The following CNTN4 variants were observed in gnomAD, a reference collection of about 807,000 sequenced individuals.
CNTN4 encodes contactin-4.
Under a neutral mutation model 122.5 loss-of-function variants are expected in CNTN4, and 77 were observed. That is an observed-to-expected ratio of 0.63 (90% CI 0.52 to 0.76). The LOEUF is 0.76. Among genes scored for constraint, CNTN4 ranks in the 30% least tolerant of loss-of-function variants. CNTN4 has a pLI of 0.00. For missense variants in CNTN4, 1,256 were observed against 1,259.1 expected (o/e 1.00, Z 0.04); for synonymous variants, 512 against 447.0 (o/e 1.15, Z -1.83).
intron 7 of CNTN4, among the ~76,000 whole-genome samples, chr3:2,836,397 G>T (rs1441152904): frequency 6.6e-6 from 1 of 152,150 alleles, no homozygotes; most frequent in African/African-American, 2.4e-5. Context: ...ACAGCAAAAA[G>T]GGAATGCCTC....
chr3:2,224,083 T>G (rs1386906409), intron 2 of CNTN4, among the ~76,000 whole-genome samples: 1 of 152,202 alleles, frequency 6.6e-6, no homozygotes, highest in Non-Finnish European at 1.5e-5. Flanking sequence ...TAGATATTTT[T>G]TACTAACGTA....
chr3:3,026,304 CA>C (rs765828593), intron 15 of CNTN4, 27 bp downstream of exon 15: 76 of 1,596,194 alleles, frequency 4.8e-5, no homozygotes, highest in Non-Finnish European at 6.2e-5. Flanking sequence ...AAAACTGACT[CA>C]AACTAACTTG....
chr3:2,109,190 A>G (rs370763480), intron 2 of CNTN4, among the ~76,000 whole-genome samples: 1 of 152,194 alleles, frequency 6.6e-6, no homozygotes. Context: ...AATATTTTCC[A>G]TGTTTAGGCA....
At chr3:2,708,934 A>T (rs917145866) in intron 4 of CNTN4, among the ~76,000 whole-genome samples, 3 of 152,308 alleles carry the variant, frequency 2.0e-5, no homozygotes, top group Admixed American at 2.0e-4. Flanking sequence ...TGTATACCCA[A>T]TCATGTATGG....
At chr3:2,170,586 T>A (rs2036459090) in intron 2 of CNTN4, among the ~76,000 whole-genome samples, 1 of 152,180 alleles carries the variant, frequency 6.6e-6, no homozygotes, top group Non-Finnish European at 1.5e-5. Context: ...GTAAAAATCT[T>A]TACAGTTTTT....
Position 2,708,961 on chromosome 3 carries a change from A to G in CNTN4, c.56-27254A>G, listed in dbSNP as rs184058709. ...CATGTATGGATGATCTCCTGTGTCG[A>G]TATCGCATTGCAGAAATCCATGTAC... On this transcript the variant is annotated intron_variant, in intron 4 of 24. Transcript: ENST00000418658. Among the ~76,000 whole-genome samples, 699 of 152,310 alleles carry G rather than the reference A, an allele frequency of 4.6e-3. 2 individuals carry two copies. The highest frequency in any genetic ancestry group is 0.01 in the Middle Eastern group (3 of 294).
chr3:2,753,678 G>A (rs577521521), intron 6 of CNTN4, among the ~76,000 whole-genome samples: 11 of 152,282 alleles, frequency 7.2e-5, no homozygotes, highest in African/African-American at 1.4e-4. Flanking sequence ...TGTTCAATCC[G>A]TAGATTTGGG....
intron 3 of CNTN4, among the ~76,000 whole-genome samples, chr3:2,421,496 C>T (rs1414287061): frequency 6.6e-6 from 1 of 152,166 alleles, no homozygotes; most frequent in Non-Finnish European, 1.5e-5. Flanking sequence ...AAGTGATCTG[C>T]CCACCTTGGT....
chr3:3,030,503 G>A (rs937760318), intron 15 of CNTN4, among the ~76,000 whole-genome samples: 1 of 152,160 alleles, frequency 6.6e-6, no homozygotes, highest in Non-Finnish European at 1.5e-5. Context: ...CGCCAACCAA[G>A]GCCATAGGCT....
At chr3:2,996,143 T>A (rs1235298451) in intron 14 of CNTN4, among the ~76,000 whole-genome samples, 3 of 152,166 alleles carry the variant, frequency 2.0e-5, no homozygotes, top group Admixed American at 6.6e-5. Flanking sequence ...GTGAAAGGAC[T>A]TTAGCTGTAT....
At chr3:2,362,241 A>G in intron 3 of CNTN4, 1 of 180,570 alleles carries the variant, frequency 5.5e-6, no homozygotes, top group Non-Finnish European at 1.2e-5. Context: ...GAAGGAGTTT[A>G]TCCCAGCTCT....
At chr3:2,310,204 G>A (rs1290136660) in intron 2 of CNTN4, among the ~76,000 whole-genome samples, 1 of 152,038 alleles carries the variant, frequency 6.6e-6, no homozygotes, top group Non-Finnish European at 1.5e-5. Context: ...CAAATGACTT[G>A]GCTTTAGCCC....
intron 2 of CNTN4, among the ~76,000 whole-genome samples, chr3:2,175,228 C>A (rs1406669883): frequency 6.6e-6 from 1 of 152,114 alleles, no homozygotes; most frequent in Non-Finnish European, 1.5e-5. Context: ...TCATTAGTCT[C>A]CTAAACCTCT....
chr3:2,252,655 G>A (rs2040422577), intron 2 of CNTN4, among the ~76,000 whole-genome samples: 1 of 152,042 alleles, frequency 6.6e-6, no homozygotes. Context: ...TAATGATTTA[G>A]AATCCTGTCT....
At chr3:3,023,107 T>C (rs1479589693) in intron 14 of CNTN4, among the ~76,000 whole-genome samples, 2 of 152,160 alleles carry the variant, frequency 1.3e-5, no homozygotes, top group African/African-American at 4.8e-5. Flanking sequence ...TTTTAGGAAA[T>C]TAATCAAGTA....
Position 2,353,767 on chromosome 3 carries a change from C to G in CNTN4, c.-89+14534C>G, listed in dbSNP as rs998130945. On this transcript the variant is annotated intron_variant, in intron 3 of 24. Transcript: ENST00000418658. ...AAACAAAATTAGCCGGGTGTGGTGG[C>G]GGGCGCCTGTGGTCCCAGCTACTCG... 2.0e-5 allele frequency among the ~76,000 whole-genome samples: 3 copies of G among 152,152 alleles called. No homozygotes were observed. The East Asian group carries it at 5.8e-4, about 29-fold the overall frequency.
intron 14 of CNTN4, among the ~76,000 whole-genome samples, chr3:3,007,447 C>A (rs1043393428): frequency 1.3e-5 from 2 of 152,176 alleles, no homozygotes; most frequent in African/African-American, 4.8e-5. Context: ...TATATCAGAT[C>A]ATTTTAATCA....
intron 2 of CNTN4, among the ~76,000 whole-genome samples, chr3:2,337,509 C>A (rs1426188126): frequency 6.6e-6 from 1 of 151,920 alleles, no homozygotes; most frequent in Admixed American, 6.6e-5. Flanking sequence ...TGAAATAATC[C>A]TTTGAGGATG....
intron 4 of CNTN4, among the ~76,000 whole-genome samples, chr3:2,610,938 G>A (rs185740747): frequency 6.6e-6 from 1 of 152,058 alleles, no homozygotes; most frequent in Non-Finnish European, 1.5e-5. Flanking sequence ...AAATTTCATT[G>A]ATTGTTTAAA....
Sources: gnomAD v4.1 joint callset for allele counts (sites outside exome capture counted in the v4.1 genomes callset) on GRCh38, gnomAD v4.1.1 for gene constraint, MANE v1.5 for transcripts, NCBI Gene and HGNC (gene_info 2026-07-23, HGNC 2026-07-21) for gene names.